Variants in COL25A1 observed in about 807,000 individuals in gnomAD.
COL25A1 encodes the protein collagen alpha-1(XXV) chain.
A neutral mutation model predicts 128.4 loss-of-function variants in COL25A1; 103 were observed. That is an observed-to-expected ratio of 0.80 (90% confidence interval 0.68 to 0.94). The LOEUF (loss-of-function observed/expected upper bound fraction) is 0.94, where lower values mean the gene tolerates loss of function less well. Ranked by LOEUF, COL25A1 falls within the 40% of genes least tolerant of loss-of-function variation. The probability of loss-of-function intolerance (pLI) is 0.00; values close to 1 mark genes in which losing one functional copy is unlikely to be tolerated. For missense variants in COL25A1, 745 were observed against 840.0 expected (o/e 0.89, Z 1.40); for synonymous variants, 279 against 277.2 (o/e 1.01, Z -0.06).
chr4:109,290,468 T>C (rs1320647730), intron 3 of COL25A1, among the ~76,000 whole-genome samples: 2 of 152,108 alleles, frequency 1.3e-5, no homozygotes, highest in Non-Finnish European at 2.9e-5. Context: ...AATTTCTCAA[T>C]GCTAGAGGTT....
chr4:109,213,688 A>T (rs1040270355), intron 3 of COL25A1, among the ~76,000 whole-genome samples: 3 of 152,186 alleles, frequency 2.0e-5, no homozygotes, highest in Non-Finnish European at 4.4e-5. Context: ...GTCAAATCCT[A>T]TCCAAATTGC....
chr4:109,231,889 T>C (rs1310311813), intron 3 of COL25A1, among the ~76,000 whole-genome samples: 2 of 152,132 alleles, frequency 1.3e-5, no homozygotes, highest in African/African-American at 4.8e-5. Context: ...TTACACAAAA[T>C]GGTAGTGTTT....
At chr4:108,955,343 A>G (rs1035622507) in intron 8 of COL25A1, among the ~76,000 whole-genome samples, 2 of 152,094 alleles carry the variant, frequency 1.3e-5, no homozygotes, top group African/African-American at 4.8e-5. Flanking sequence ...AATGTTGGGG[A>G]AGTTAATGTT....
chr4:109,224,798 G>A (rs1228973623), intron 3 of COL25A1, among the ~76,000 whole-genome samples: 1 of 152,030 alleles, frequency 6.6e-6, no homozygotes, highest in East Asian at 1.9e-4. Flanking sequence ...AAATTAGCCG[G>A]GTGTGGTGGC....
chr4:109,267,958 C>T (rs1015009735), intron 3 of COL25A1, among the ~76,000 whole-genome samples: 1 of 151,932 alleles, frequency 6.6e-6, no homozygotes, highest in Non-Finnish European at 1.5e-5. Flanking sequence ...CAGTCAAGAT[C>T]GCTTCATTAT....
intron 3 of COL25A1, among the ~76,000 whole-genome samples, chr4:109,090,765 T>C (rs1366344198): frequency 2.0e-5 from 3 of 152,196 alleles, no homozygotes; most frequent in Non-Finnish European, 4.4e-5. Context: ...TTGAGAACTA[T>C]AGTGAGCAGC....
intron 3 of COL25A1, among the ~76,000 whole-genome samples, chr4:109,256,199 G>T (rs1432520502): frequency 6.6e-6 from 1 of 151,996 alleles, no homozygotes; most frequent in African/African-American, 2.4e-5. Flanking sequence ...GGTGCTGTGT[G>T]TCTGATACTT....
intron 3 of COL25A1, among the ~76,000 whole-genome samples, chr4:109,225,996 T>TACACACACAC (rs10642927): frequency 3.0e-4 from 44 of 147,060 alleles, no homozygotes; most frequent in African/African-American, 1.1e-3. Context: ...GTATTTGTAA[T>TACACACACAC]ACACACACAC....
chr4:109,117,096 T>C (rs1376822029), intron 3 of COL25A1, among the ~76,000 whole-genome samples: 1 of 151,510 alleles, frequency 6.6e-6, no homozygotes, highest in Non-Finnish European at 1.5e-5. Flanking sequence ...GTAATATTTG[T>C]AACAATGATG....
At chr4:108,952,350 G>A (rs1227840061) in intron 8 of COL25A1, among the ~76,000 whole-genome samples, 1 of 151,548 alleles carries the variant, frequency 6.6e-6, no homozygotes, top group Non-Finnish European at 1.5e-5. Flanking sequence ...TTCTTTTCAT[G>A]AAATGAAAAA....
chr4:109,009,456 G>C (rs1648019), intron 6 of COL25A1, among the ~76,000 whole-genome samples: 77,689 of 151,998 alleles, frequency 0.51, 22,597 homozygotes, highest in African/African-American at 0.78. Context: ...ATCATAAAAA[G>C]CATAAATAAT....
intron 3 of COL25A1, among the ~76,000 whole-genome samples, chr4:109,181,780 T>C (rs970922193): frequency 7.2e-5 from 11 of 152,120 alleles, no homozygotes; most frequent in African/African-American, 2.7e-4. Context: ...AGTCACCATG[T>C]TGTATAATAT....
At chr4:109,028,246 C>T (rs892939370) in intron 5 of COL25A1, among the ~76,000 whole-genome samples, 13 of 152,128 alleles carry the variant, frequency 8.5e-5, no homozygotes, top group South Asian at 2.1e-4. Flanking sequence ...GTAGCTAGGA[C>T]TACAGCCACG....
chr4:109,071,378 T>A lies in COL25A1; in HGVS notation c.368-21199A>T, dbSNP rs571896426. ...AACCTAGGCAATACCATTCAGGACA[T>A]AGGCATGGGCAAGGACTTCATGTCT... On this transcript the variant is annotated intron_variant, in intron 3 of 37. Coordinates refer to ENST00000399132, the MANE Select transcript of COL25A1 (RefSeq NM_198721.4). 5.2e-3 allele frequency among the ~76,000 whole-genome samples: 796 copies of A among 152,202 alleles called. 6 individuals carry two copies. Among genetic ancestry groups the A allele is most frequent in the Middle Eastern group, 0.014 (4 of 294 alleles).
chr4:109,185,347 T>C (rs1775036236), intron 3 of COL25A1, among the ~76,000 whole-genome samples: 1 of 152,188 alleles, frequency 6.6e-6, no homozygotes, highest in Non-Finnish European at 1.5e-5. Flanking sequence ...CAGTGCTCTA[T>C]GCAATAGCTG....
intron 19 of COL25A1, among the ~76,000 whole-genome samples, chr4:108,871,117 T>A (rs1004582453): frequency 3.3e-5 from 5 of 152,198 alleles, no homozygotes; most frequent in Non-Finnish European, 7.3e-5. Context: ...TAAAACTGTT[T>A]TTTTCTTCCT....
chr4:108,890,170 G>A (rs1182515993), intron 16 of COL25A1, among the ~76,000 whole-genome samples: 2 of 152,190 alleles, frequency 1.3e-5, no homozygotes, highest in Non-Finnish European at 2.9e-5. Flanking sequence ...GGAGTTCCCT[G>A]ACCCTTTTGC....
intron 3 of COL25A1, among the ~76,000 whole-genome samples, chr4:109,107,078 T>G (rs1766506400): frequency 6.6e-6 from 1 of 152,174 alleles, no homozygotes; most frequent in South Asian, 2.1e-4. Flanking sequence ...CATTTAAAAT[T>G]TAATAAGTGC....
At chr4:109,182,871 G>GA (rs1774795532) in intron 3 of COL25A1, among the ~76,000 whole-genome samples, 1 of 151,848 alleles carries the variant, frequency 6.6e-6, no homozygotes, top group South Asian at 2.1e-4. Flanking sequence ...AATATAAGGG[G>GA]AAAAAAGGTT....
Sources: gnomAD v4.1 joint callset for allele counts (sites outside exome capture counted in the v4.1 genomes callset) on GRCh38, gnomAD v4.1.1 for gene constraint, MANE v1.5 for transcripts, NCBI Gene and HGNC (gene_info 2026-07-23, HGNC 2026-07-21) for gene names.